The following FMN1 variants were observed in gnomAD, a reference collection of about 807,000 sequenced individuals.
The protein encoded by FMN1 is formin 1.
Under a neutral mutation model 132.4 loss-of-function variants are expected in FMN1, and 110 were observed. The ratio of observed to expected loss-of-function variants is 0.83; its 90% CI spans 0.71 to 0.97. FMN1 has a LOEUF of 0.97. Among genes scored for constraint, FMN1 ranks in the 50% least tolerant of loss-of-function variants. The pLI is 0.00. For synonymous variants in FMN1, 722 were observed against 651.7 expected (o/e 1.11, Z -1.64); for missense variants, 1,792 against 1,705.3 (o/e 1.05, Z -0.90).
chr15:33,187,308 A>G (rs1180279262), intron 2 of FMN1, among the ~76,000 whole-genome samples: 1 of 152,224 alleles, frequency 6.6e-6, no homozygotes, highest in Admixed American at 6.5e-5. Flanking sequence ...GTGTTTCTCA[A>G]AATTCTAAAC....
intron 3 of FMN1, among the ~76,000 whole-genome samples, chr15:33,177,995 C>T (rs779375901): frequency 6.6e-6 from 1 of 151,828 alleles, no homozygotes; most frequent in Non-Finnish European, 1.5e-5. Context: ...GCAACGAGAG[C>T]GAAACTCTGT....
chr15:33,121,919 G>T (rs574114492), intron 4 of FMN1, among the ~76,000 whole-genome samples: 3 of 152,256 alleles, frequency 2.0e-5, no homozygotes, highest in African/African-American at 4.8e-5. Flanking sequence ...GAAAAATCTA[G>T]AACTTAATTA....
chr15:33,016,352 G>C (rs978919925), intron 6 of FMN1, among the ~76,000 whole-genome samples: 4 of 152,080 alleles, frequency 2.6e-5, no homozygotes, highest in African/African-American at 9.7e-5. Flanking sequence ...CAAAATCTAA[G>C]AATAAAAATC....
chr15:32,800,294 A>G (rs929753933), intron 18 of FMN1, among the ~76,000 whole-genome samples: 2 of 152,184 alleles, frequency 1.3e-5, no homozygotes, highest in African/African-American at 2.4e-5. Context: ...CCCAGTTATT[A>G]AAAGACTGGA....
intron 17 of FMN1, among the ~76,000 whole-genome samples, chr15:32,836,495 T>A (rs567591266): frequency 6.6e-6 from 1 of 152,288 alleles, no homozygotes; most frequent in African/African-American, 2.4e-5. Context: ...CAACTCTTTC[T>A]CCCCTTACTT....
At chr15:32,994,438 C>T (rs1451699052) in intron 7 of FMN1, among the ~76,000 whole-genome samples, 1 of 152,188 alleles carries the variant, frequency 6.6e-6, no homozygotes, top group African/African-American at 2.4e-5. Context: ...TCTCTTCACT[C>T]TTCAAACCTC....
intron 16 of FMN1, among the ~76,000 whole-genome samples, chr15:32,877,016 T>A (rs2059653224): frequency 6.6e-6 from 1 of 152,218 alleles, no homozygotes; most frequent in Admixed American, 6.5e-5. Context: ...CTGGGCATGG[T>A]GGCTCATGCC....
intron 17 of FMN1, among the ~76,000 whole-genome samples, chr15:32,848,335 CACGTGTGTGT>C (rs2058910475): frequency 7.6e-6 from 1 of 132,356 alleles, no homozygotes; most frequent in East Asian, 2.1e-4. Context: ...CATGTGTGTG[CACGTGTGTGT>C]GCGTGCACAC....
At chr15:32,885,322 A>C (rs1414428768) in intron 16 of FMN1, among the ~76,000 whole-genome samples, 1 of 152,060 alleles carries the variant, frequency 6.6e-6, no homozygotes, top group Non-Finnish European at 1.5e-5. Context: ...TATGTTCAGT[A>C]ACTCTAATTT....
At chr15:33,017,929 G>A (rs960596389) in intron 6 of FMN1, among the ~76,000 whole-genome samples, 2 of 152,122 alleles carry the variant, frequency 1.3e-5, no homozygotes, top group Non-Finnish European at 2.9e-5. Flanking sequence ...GCTGGGTGTG[G>A]TGGCTCGCAC....
intron 15 of FMN1, among the ~76,000 whole-genome samples, chr15:32,893,913 A>T (rs924196519): frequency 6.6e-6 from 1 of 152,256 alleles, no homozygotes; most frequent in African/African-American, 2.4e-5. Context: ...AAATCTGCCC[A>T]TGCCAACCTA....
At chr15:33,173,209 G>A (rs777008233) in intron 3 of FMN1, among the ~76,000 whole-genome samples, 14 of 152,140 alleles carry the variant, frequency 9.2e-5, no homozygotes, top group Admixed American at 2.6e-4. Flanking sequence ...TTTGAGATTG[G>A]AAGTACAAGG....
intron 8 of FMN1, among the ~76,000 whole-genome samples, chr15:32,966,647 A>C (rs745729355): frequency 6.6e-6 from 1 of 152,224 alleles, no homozygotes; most frequent in Non-Finnish European, 1.5e-5. Context: ...AAATCAGTTC[A>C]TACCAGGAGT....
chr15:33,120,452 G>T (rs1902152), intron 4 of FMN1, among the ~76,000 whole-genome samples: 134,885 of 152,162 alleles, frequency 0.89, 59,872 homozygotes, highest in East Asian at 0.97. Context: ...GGGAAGACAT[G>T]TTCAAAGTTA....
chr15:33,111,347 A>G (rs943995268), intron 4 of FMN1, among the ~76,000 whole-genome samples: 6 of 152,192 alleles, frequency 3.9e-5, no homozygotes, highest in African/African-American at 1.4e-4. Flanking sequence ...GAGGCTGTGA[A>G]GAAGTTGGGA....
chr15:32,900,824 T>C (rs1249989956), intron 13 of FMN1, among the ~76,000 whole-genome samples: 1 of 152,206 alleles, frequency 6.6e-6, no homozygotes, highest in Non-Finnish European at 1.5e-5. Context: ...TTCTTTATGG[T>C]CTTAATTCAC....
intron 9 of FMN1, among the ~76,000 whole-genome samples, chr15:32,958,901 G>A (rs886945594): frequency 6.6e-6 from 1 of 152,012 alleles, no homozygotes; most frequent in Non-Finnish European, 1.5e-5. Flanking sequence ...AATTAGCTGG[G>A]CGTGATGGTG....
chr15:32,998,409 C>G (rs1291374422), intron 7 of FMN1, among the ~76,000 whole-genome samples: 1 of 152,112 alleles, frequency 6.6e-6, no homozygotes, highest in South Asian at 2.1e-4. Flanking sequence ...GATGCAGGGG[C>G]CCACTCTTTT....
rs891602007 is a variant in FMN1, at chr15:33,144,243, C to T, written c.1867+8805G>A. ...AACCCTGATTTAATTCAAAGGCTACCGAGTGAGCCAGTTTGAAGCTAGACA... is the reference window on the plus strand; with the variant it reads ...AACCCTGATTTAATTCAAAGGCTACTGAGTGAGCCAGTTTGAAGCTAGACA... On this transcript the variant is annotated intron_variant, in intron 4 of 20. Coordinates refer to ENST00000616417, the MANE Select transcript of FMN1 (RefSeq NM_001277313.2). 6.6e-5 allele frequency among the ~76,000 whole-genome samples: 10 copies of T among 152,070 alleles called. No individual in the cohort carries two copies. The South Asian group carries it at 1.2e-3, about 19-fold the overall frequency.
Sources: gnomAD v4.1 joint callset for allele counts (sites outside exome capture counted in the v4.1 genomes callset) on GRCh38, gnomAD v4.1.1 for gene constraint, MANE v1.5 for transcripts, NCBI Gene and HGNC (gene_info 2026-07-23, HGNC 2026-07-21) for gene names.